Variants in PACRG observed in about 807,000 individuals in gnomAD.
PACRG encodes the protein parkin coregulated gene protein.
Under a neutral mutation model 29.7 loss-of-function variants are expected in PACRG, and 29 were observed. The observed-to-expected ratio is 0.98, with a 90% CI of 0.73 to 1.33. PACRG has a LOEUF of 1.33. PACRG is among the 40% of genes most tolerant of loss of function. The pLI is 0.00. For synonymous variants in PACRG, 116 were observed against 118.7 expected (o/e 0.98, Z 0.15); for missense variants, 279 against 316.2 (o/e 0.88, Z 0.89).
chr6:163,268,485 C>A (rs763215890), intron 4 of PACRG, among the ~76,000 whole-genome samples: 79 of 151,848 alleles, frequency 5.2e-4, no homozygotes, highest in Non-Finnish European at 1.5e-4. Flanking sequence ...AAATAAAAAT[C>A]TTTTACTAAT....
intron 2 of PACRG, among the ~76,000 whole-genome samples, chr6:163,022,507 C>T (rs931189364): frequency 2.0e-5 from 3 of 152,272 alleles, no homozygotes; most frequent in East Asian, 3.9e-4. Flanking sequence ...GAATGTGGTT[C>T]GTGAGGAACT....
At chr6:162,882,620 A>C (rs1793986141) in intron 2 of PACRG, among the ~76,000 whole-genome samples, 1 of 152,142 alleles carries the variant, frequency 6.6e-6, no homozygotes, top group Non-Finnish European at 1.5e-5. Flanking sequence ...CTGGGTATGG[A>C]CCCTGAGGAG....
At chr6:163,009,285 T>C (rs951206981) in intron 2 of PACRG, among the ~76,000 whole-genome samples, 10 of 152,210 alleles carry the variant, frequency 6.6e-5, no homozygotes, top group African/African-American at 2.2e-4. Context: ...GTGGCAGAGT[T>C]AGAATAAAGT....
intron 4 of PACRG, chr6:163,312,886 G>C (rs963407716): frequency 8.5e-6 from 3 of 354,456 alleles, no homozygotes; most frequent in African/African-American, 4.4e-5. Flanking sequence ...TCAAGTAGCT[G>C]AGATTATAGG....
At chr6:163,265,226 T>A (rs1175937993) in intron 4 of PACRG, among the ~76,000 whole-genome samples, 1 of 152,202 alleles carries the variant, frequency 6.6e-6, no homozygotes, top group Non-Finnish European at 1.5e-5. Context: ...CTGATAGGCT[T>A]ACAGGAAGCT....
intron 4 of PACRG, among the ~76,000 whole-genome samples, chr6:163,103,465 G>C (rs1815212568): frequency 6.6e-6 from 1 of 152,136 alleles, no homozygotes; most frequent in Admixed American, 6.5e-5. Flanking sequence ...TTCCCACCCA[G>C]ATAAAGAAGA....
At chr6:163,037,907 T>G (rs1329956916) in intron 2 of PACRG, among the ~76,000 whole-genome samples, 2 of 152,212 alleles carry the variant, frequency 1.3e-5, no homozygotes, top group Non-Finnish European at 2.9e-5. Flanking sequence ...GAAGATTTAC[T>G]GAATAGGTAA....
rs577450209 is a variant in PACRG, at chr6:163,034,375, G to A, written c.292-27775G>A. ...GTTAACATCCTGTAGTACCAAACCC[G>A]TTCTTAGCTGAGAGGGACTTTAATG... On this transcript the variant is annotated intron_variant, in intron 2 of 4. Coordinates refer to ENST00000366888, the MANE Select transcript of PACRG (RefSeq NM_001080379.2). Among the ~76,000 whole-genome samples the A allele has an allele frequency of 1.2e-4, 18 of 152,286 alleles. No individual in the cohort carries two copies. In the South Asian group the frequency reaches 3.3e-3, roughly 28 times the overall value.
intron 1 of PACRG, among the ~76,000 whole-genome samples, chr6:162,792,381 G>A (rs1331174050): frequency 6.6e-6 from 1 of 152,180 alleles, no homozygotes; most frequent in African/African-American, 2.4e-5. Context: ...TTCAGGGTTA[G>A]GGTTGCAGAG....
intron 1 of PACRG, among the ~76,000 whole-genome samples, chr6:162,766,340 T>C (rs904404375): frequency 1.3e-5 from 2 of 152,204 alleles, no homozygotes; most frequent in African/African-American, 4.8e-5. Context: ...CTTATTTCGC[T>C]TGATGTTTTC....
intron 4 of PACRG, among the ~76,000 whole-genome samples, chr6:163,214,680 A>G (rs916016967): frequency 4.6e-5 from 7 of 151,994 alleles, no homozygotes; most frequent in Non-Finnish European, 7.4e-5. Flanking sequence ...TAGTGCAGCT[A>G]TGTAGGTATA....
intron 1 of PACRG, among the ~76,000 whole-genome samples, chr6:162,742,107 T>C (rs868855928): frequency 1.3e-5 from 2 of 152,292 alleles, no homozygotes; most frequent in Non-Finnish European, 1.5e-5. Context: ...TTTGCTTCTG[T>C]GAGTCTGGCT....
chr6:163,300,942 CGTG>C (rs1784972746), intron 4 of PACRG, among the ~76,000 whole-genome samples: 34 of 110,424 alleles, frequency 3.1e-4, no homozygotes, highest in East Asian at 2.9e-3. Flanking sequence ...CACTGCTTCC[CGTG>C]AGTTTAGTAG....
At position 162,884,566 on chromosome 6, in the gene PACRG, T is replaced by A. The variant is rs140407115; in HGVS notation, c.291+70285T>A. ...AACTATTTTTGTAAATATGAAATTA[T>A]TTCCTAACAAATTTTTTTAAAAAAA... On this transcript the variant is annotated intron_variant, in intron 2 of 4. Transcript: ENST00000366888. 4.0e-3 allele frequency among the ~76,000 whole-genome samples: 615 copies of A among 152,336 alleles called. 7 individuals are homozygous for A. The highest frequency in any genetic ancestry group is 0.014 in the African/African-American group (594 of 41,574).
intron 3 of PACRG, among the ~76,000 whole-genome samples, chr6:163,063,595 A>G (rs1811275979): frequency 6.6e-6 from 1 of 152,202 alleles, no homozygotes; most frequent in Non-Finnish European, 1.5e-5. Flanking sequence ...CATGATCAAA[A>G]TGCTAGATTT....
intron 4 of PACRG, among the ~76,000 whole-genome samples, chr6:163,093,494 T>G (rs1167741597): frequency 6.6e-6 from 1 of 152,238 alleles, no homozygotes; most frequent in African/African-American, 2.4e-5. Context: ...AACTACCAAA[T>G]TAATGATGCA....
intron 4 of PACRG, among the ~76,000 whole-genome samples, chr6:163,144,019 A>G (rs1442646703): frequency 6.6e-6 from 1 of 152,082 alleles, no homozygotes; most frequent in African/African-American, 2.4e-5. Flanking sequence ...TCCTGAGGTC[A>G]GGAGTTTGAG....
At chr6:163,299,974 C>G (rs372660863) in intron 4 of PACRG, among the ~76,000 whole-genome samples, 1 of 152,214 alleles carries the variant, frequency 6.6e-6, no homozygotes, top group South Asian at 2.1e-4. Flanking sequence ...GATAGAAGCA[C>G]GTAGGGGGCA....
At chr6:163,101,047 C>T (rs1268374755) in intron 4 of PACRG, 1 of 982,060 alleles carries the variant, frequency 1.0e-6, no homozygotes, top group African/African-American at 1.8e-5. Context: ...CTTTAGTGAG[C>T]ATATTTATAT....
Sources: gnomAD v4.1 joint callset for allele counts (sites outside exome capture counted in the v4.1 genomes callset) on GRCh38, gnomAD v4.1.1 for gene constraint, MANE v1.5 for transcripts, NCBI Gene and HGNC (gene_info 2026-07-23, HGNC 2026-07-21) for gene names.